The following LYPLAL1 variants were observed in gnomAD, a reference collection of about 807,000 sequenced individuals.
LYPLAL1 encodes the protein lysophospholipase like 1.
In LYPLAL1, 23 loss-of-function variants were observed where a neutral mutation model predicts 19.7. The observed-to-expected ratio is 1.17, with a 90% CI of 0.84 to 1.65. The LOEUF is 1.65. LYPLAL1 is among the 40% of genes most tolerant of loss of function. The pLI is 0.00. For missense variants in LYPLAL1, 355 were observed against 279.4 expected (o/e 1.27, Z -1.93); for synonymous variants, 119 against 96.3 (o/e 1.24, Z -1.38).
At chr1:219,394,630 T>C in the LYPLAL1 span, among the ~76,000 whole-genome samples, 1 of 152,246 alleles carries the variant, frequency 6.6e-6, no homozygotes, top group Non-Finnish European at 1.5e-5. Context: ...AATGTTTCTT[T>C]CTTTTAGCTT....
At chr1:219,246,160 A>G in the LYPLAL1 span, among the ~76,000 whole-genome samples, 3 of 152,214 alleles carry the variant, frequency 2.0e-5, no homozygotes, top group East Asian at 1.9e-4. Context: ...ATGAAAGAGA[A>G]TGGAGTTATC....
At chr1:219,187,061 G>T in intron 2 of LYPLAL1, among the ~76,000 whole-genome samples, 1 of 149,828 alleles carries the variant, frequency 6.7e-6, no homozygotes, top group Admixed American at 6.7e-5. Flanking sequence ...TAACTATATA[G>T]GTCCCTTTAT....
At chr1:219,361,414 C>A in the LYPLAL1 span, among the ~76,000 whole-genome samples, 2 of 152,244 alleles carry the variant, frequency 1.3e-5, no homozygotes, top group East Asian at 3.9e-4. Context: ...TTCTTTCAAA[C>A]CACCTATTGG....
At chr1:219,363,072 A>G in the LYPLAL1 span, among the ~76,000 whole-genome samples, 1 of 152,196 alleles carries the variant, frequency 6.6e-6, no homozygotes, top group South Asian at 2.1e-4. Context: ...TTTAAAAATC[A>G]AAGGCTACAC....
the LYPLAL1 span, among the ~76,000 whole-genome samples, chr1:219,341,493 G>A: frequency 6.6e-6 from 1 of 152,080 alleles, no homozygotes; most frequent in East Asian, 1.9e-4. Context: ...TTCTCAAGGT[G>A]GAGTTTATTA....
At chr1:219,218,478 T>C in the LYPLAL1 span, among the ~76,000 whole-genome samples, 1 of 149,134 alleles carries the variant, frequency 6.7e-6, no homozygotes, top group African/African-American at 2.5e-5. Flanking sequence ...TCATAAACTT[T>C]CTTAAAACAT....
At chr1:219,333,058 G>A in the LYPLAL1 span, among the ~76,000 whole-genome samples, 2 of 151,914 alleles carry the variant, frequency 1.3e-5, no homozygotes, top group Non-Finnish European at 2.9e-5. Flanking sequence ...GCAATGACTG[G>A]TCATGTCCCT....
the LYPLAL1 span, among the ~76,000 whole-genome samples, chr1:219,315,549 T>C: frequency 6.6e-6 from 1 of 152,192 alleles, no homozygotes; most frequent in African/African-American, 2.4e-5. Context: ...ATAGACATCA[T>C]TTTAAAATTA....
At chr1:219,302,675 G>A in the LYPLAL1 span, among the ~76,000 whole-genome samples, 17 of 152,152 alleles carry the variant, frequency 1.1e-4, no homozygotes, top group African/African-American at 4.1e-4. Context: ...TGCCTAGTGT[G>A]GGGCACACCT....
At chr1:219,324,843 G>A in the LYPLAL1 span, among the ~76,000 whole-genome samples, 55 of 152,300 alleles carry the variant, frequency 3.6e-4, no homozygotes, top group Non-Finnish European at 6.8e-4. Context: ...TCATCTAAAT[G>A]TGCATAGAGT....
At chr1:219,419,594 C>CACACACAGAGAG in the LYPLAL1 span, among the ~76,000 whole-genome samples, 265 of 99,570 alleles carry the variant, frequency 2.7e-3, 2 homozygotes, top group African/African-American at 6.2e-3. Flanking sequence ...CACACACACA[C>CACACACAGAGAG]AGAGAGAGAG....
At chr1:219,182,558 C>T (rs1656381115) in intron 2 of LYPLAL1, among the ~76,000 whole-genome samples, 1 of 152,008 alleles carries the variant, frequency 6.6e-6, no homozygotes, top group Non-Finnish European at 1.5e-5. Context: ...CCTTAACTCT[C>T]ACTCTTTTTA....
chr1:219,396,956 T>C, the LYPLAL1 span, among the ~76,000 whole-genome samples: 1 of 152,146 alleles, frequency 6.6e-6, no homozygotes, highest in Admixed American at 6.5e-5. Context: ...CTATGTTGAG[T>C]AGGAGTGGTG....
downstream of LYPLAL1, among the ~76,000 whole-genome samples, chr1:219,216,264 G>A (rs1267810263): frequency 2.0e-5 from 3 of 152,058 alleles, no homozygotes; most frequent in Admixed American, 6.5e-5. Context: ...ATTAAGGGTA[G>A]TATTTTGTTG....
At chr1:219,244,475 C>T in the LYPLAL1 span, among the ~76,000 whole-genome samples, 1 of 152,122 alleles carries the variant, frequency 6.6e-6, no homozygotes, top group Non-Finnish European at 1.5e-5. Context: ...GGGATTGCCC[C>T]TAATAGGAGA....
At chr1:219,303,262 T>G in the LYPLAL1 span, among the ~76,000 whole-genome samples, 1 of 152,244 alleles carries the variant, frequency 6.6e-6, no homozygotes, top group African/African-American at 2.4e-5. Flanking sequence ...ATCTAGTTAC[T>G]CAAGACATAG....
chr1:219,271,630 C>A, the LYPLAL1 span: 1 of 152,142 alleles, frequency 6.6e-6, no homozygotes, highest in Non-Finnish European at 1.5e-5. Flanking sequence ...GCTTTCTTAT[C>A]AGACTAATGT....
the LYPLAL1 span, among the ~76,000 whole-genome samples, chr1:219,358,703 A>G: frequency 3.9e-5 from 6 of 152,266 alleles, no homozygotes; most frequent in Non-Finnish European, 5.9e-5. Flanking sequence ...CTATGATCCA[A>G]TCACCTCCCA....
the LYPLAL1 span, among the ~76,000 whole-genome samples, chr1:219,438,798 A>T: frequency 3.3e-5 from 5 of 152,218 alleles, no homozygotes; most frequent in South Asian, 1.0e-3. Context: ...AGAGGAGAAA[A>T]AACTAAAATG....
Sources: gnomAD v4.1 joint callset for allele counts (sites outside exome capture counted in the v4.1 genomes callset) on GRCh38, gnomAD v4.1.1 for gene constraint, MANE v1.5 for transcripts, NCBI Gene and HGNC (gene_info 2026-07-23, HGNC 2026-07-21) for gene names.